GSAP: variants seen among roughly 807,000 people sequenced by gnomAD.
The protein encoded by GSAP is gamma-secretase activating protein.
GSAP carries 118 observed loss-of-function variants against 131.7 expected under a neutral mutation model. The ratio of observed to expected loss-of-function variants is 0.90; its 90% CI spans 0.77 to 1.04. The LOEUF (loss-of-function observed/expected upper bound fraction) is 1.04. Ranked by LOEUF, GSAP falls within the 50% of genes least tolerant of loss-of-function variation. The probability of loss-of-function intolerance (pLI) is 0.00; values close to 1 mark genes in which losing one functional copy is unlikely to be tolerated. For missense variants in GSAP, 1,019 were observed against 1,013.2 expected, an observed-to-expected ratio of 1.01 and a Z score of -0.08; for synonymous variants, 381 against 363.4, an observed-to-expected ratio of 1.05 and a Z score of -0.55.
At chr7:77,353,488 G>T in intron 17 of GSAP, 84 bp downstream of exon 17, 2 of 781,276 alleles carry the variant, frequency 2.6e-6, no homozygotes, top group African/African-American at 1.7e-5. Context: ...TGGACAGGTT[G>T]AGGCATTCAC....
chr7:77,392,997 G>A (rs1453293649), intron 5 of GSAP, among the ~76,000 whole-genome samples: 1 of 151,936 alleles, frequency 6.6e-6, no homozygotes, highest in Non-Finnish European at 1.5e-5. Flanking sequence ...GTTTCCTATG[G>A]AAGTCCATTT....
rs894095086 is a variant in GSAP at position 77,373,192 on chromosome 7, T to C, written c.871+878A>G. 7.2e-5 allele frequency among the ~76,000 whole-genome samples: 11 copies of C among 152,222 alleles called. 1 individual carries two copies. Among genetic ancestry groups the C allele is most frequent in the Non-Finnish European group, 1.3e-4 (9 of 68,046 alleles). ...GAATTCCTATAATGCTCATTCATAATATGATTCTATTTAAATACTAAGTGT... is the reference window on the plus strand; with the variant it reads ...GAATTCCTATAATGCTCATTCATAACATGATTCTATTTAAATACTAAGTGT... On this transcript the variant is annotated intron_variant, in intron 12 of 30. Transcript: ENST00000257626.
intron 3 of GSAP, 37 bp from the exon 4 acceptor site, chr7:77,397,452 A>C (rs747618587): frequency 9.2e-7 from 1 of 1,086,460 alleles, no homozygotes. Context: ...TTGAAGTTTC[A>C]TACATTAAAT....
At chr7:77,393,270 T>C (rs1799860871) in intron 5 of GSAP, among the ~76,000 whole-genome samples, 1 of 152,152 alleles carries the variant, frequency 6.6e-6, no homozygotes, top group Admixed American at 6.5e-5. Context: ...TTCCAAAATA[T>C]TCGTTCAAAT....
At chr7:77,375,880 T>C (rs1036897994) in intron 10 of GSAP, among the ~76,000 whole-genome samples, 5 of 151,486 alleles carry the variant, frequency 3.3e-5, no homozygotes, top group Non-Finnish European at 7.4e-5. Flanking sequence ...ACAACCACCA[T>C]ATTGTTCATC....
At position 77,387,212 on chromosome 7, in the gene GSAP, A is replaced by G. The variant is rs1007732535; in HGVS notation, c.456+148T>C. On this transcript the variant is annotated intron_variant, in intron 6 of 30. Coordinates refer to ENST00000257626, the MANE Select transcript of GSAP (RefSeq NM_017439.4). ...GTTCTTAATTTCCATGCTTGCAAAC[A>G]AAGAGCGGATACTTCCAGCCATAGT... 30 of 457,808 alleles carry G rather than the reference A, an allele frequency of 6.6e-5. No individual in the cohort carries two copies. The East Asian group carries it at 8.7e-4, about 13-fold the overall frequency. 28.4% of individuals were successfully genotyped at this position (457,808 alleles called of 1,614,324 possible). A position where few individuals can be genotyped will look rare whatever the true frequency, so the allele number is the denominator to read the frequency against.
intron 19 of GSAP, among the ~76,000 whole-genome samples, chr7:77,341,405 C>CT (rs964712989): frequency 6.6e-6 from 1 of 152,140 alleles, no homozygotes. Flanking sequence ...CCCTATAATC[C>CT]TTTTATCACC....
chr7:77,414,468 A>G (rs569354855), intron 1 of GSAP, among the ~76,000 whole-genome samples: 1 of 152,358 alleles, frequency 6.6e-6, no homozygotes, highest in South Asian at 2.1e-4. Flanking sequence ...TCTTACCAAG[A>G]TATTTGCTCT....
intron 19 of GSAP, among the ~76,000 whole-genome samples, chr7:77,336,435 T>TCC (rs1789983109): frequency 6.6e-6 from 1 of 152,154 alleles, no homozygotes; most frequent in Non-Finnish European, 1.5e-5. Context: ...TGAAGACACC[T>TCC]CCATTGCTAC....
intron 19 of GSAP, among the ~76,000 whole-genome samples, chr7:77,338,297 T>A (rs140960683): frequency 2.1e-4 from 32 of 152,338 alleles, no homozygotes; most frequent in African/African-American, 7.2e-4. Flanking sequence ...TTAGGAAGGA[T>A]ACTCTTAATG....
chr7:77,328,379 G>A, intron 22 of GSAP: 1 of 1,278,748 alleles, frequency 7.8e-7, no homozygotes. Flanking sequence ...ATCACCCAGG[G>A]ACTCCCATCG....
intron 27 of GSAP, 43 bp downstream of exon 27, chr7:77,314,327 C>G: frequency 6.2e-7 from 1 of 1,609,530 alleles, no homozygotes; most frequent in Non-Finnish European, 8.5e-7. Flanking sequence ...CTTGGTGGTG[C>G]TCAGGCTGGA....
intron 5 of GSAP, among the ~76,000 whole-genome samples, chr7:77,389,809 T>G (rs942430061): frequency 6.6e-6 from 1 of 152,262 alleles, no homozygotes; most frequent in African/African-American, 2.4e-5. Flanking sequence ...AGTAATGGGA[T>G]GGCTGGGTCA....
chr7:77,401,375 G>A (rs895043293), intron 3 of GSAP, among the ~76,000 whole-genome samples: 12 of 152,094 alleles, frequency 7.9e-5, no homozygotes, highest in African/African-American at 2.4e-4. Flanking sequence ...ATCTATATGG[G>A]GGGGAGAAAA....
chr7:77,343,975 A>G (rs972789806), intron 19 of GSAP, among the ~76,000 whole-genome samples: 1 of 152,128 alleles, frequency 6.6e-6, no homozygotes, highest in Non-Finnish European at 1.5e-5. Flanking sequence ...CTACACATCA[A>G]GCTTGAGGAT....
intron 14 of GSAP, among the ~76,000 whole-genome samples, chr7:77,358,597 T>TA (rs1196296485): frequency 1.3e-5 from 2 of 152,348 alleles, no homozygotes; most frequent in East Asian, 3.9e-4. Flanking sequence ...AAGTTTTATA[T>TA]TTTTAAAAAT....
chr7:77,329,457 G>T (rs1285071596), intron 20 of GSAP, 66 bp from the exon 21 acceptor site: 5 of 798,948 alleles, frequency 6.3e-6, no homozygotes, highest in Middle Eastern at 2.3e-4. Context: ...TCACGTCAAG[G>T]ATATAATGCA....
At chr7:77,378,750 C>T (rs1295929018) in intron 8 of GSAP, among the ~76,000 whole-genome samples, 1 of 152,126 alleles carries the variant, frequency 6.6e-6, no homozygotes, top group Non-Finnish European at 1.5e-5. Context: ...CTCCCAGTGC[C>T]CTTTCAGTGC....
At chr7:77,363,078 A>G (rs1794777542) in intron 12 of GSAP, among the ~76,000 whole-genome samples, 1 of 152,222 alleles carries the variant, frequency 6.6e-6, no homozygotes. Flanking sequence ...GAAAGTTACC[A>G]GTCTCTAGTT....
Sources: gnomAD v4.1 joint callset for allele counts (sites outside exome capture counted in the v4.1 genomes callset) on GRCh38, gnomAD v4.1.1 for gene constraint, MANE v1.5 for transcripts, NCBI Gene and HGNC (gene_info 2026-07-23, HGNC 2026-07-21) for gene names.